The following BABAM2 variants were observed in gnomAD, a reference collection of about 807,000 sequenced individuals.
BABAM2 encodes the protein BRISC and BRCA1 A complex member 2.
Under a neutral mutation model 54.7 loss-of-function variants are expected in BABAM2, and 31 were observed. The observed-to-expected ratio is 0.57, with a 90% CI of 0.43 to 0.77. The LOEUF (loss-of-function observed/expected upper bound fraction) is 0.77, where lower values mean the gene tolerates loss of function less well. Among genes scored for constraint, BABAM2 ranks in the 30% least tolerant of loss-of-function variants. The pLI, the probability that BABAM2 is intolerant of heterozygous loss-of-function variation, is 0.00. For synonymous variants in BABAM2, 167 were observed against 162.9 expected, an observed-to-expected ratio of 1.03 and a Z score of -0.19; for missense variants, 364 against 455.8, an observed-to-expected ratio of 0.80 and a Z score of 1.83.
intron 7 of BABAM2, among the ~76,000 whole-genome samples, chr2:28,180,319 A>ACT (rs1675479039): frequency 6.6e-6 from 1 of 152,172 alleles, no homozygotes; most frequent in Non-Finnish European, 1.5e-5. Context: ...CCTTGTATTT[A>ACT]CAGCCAACTG....
chr2:28,307,375 A>T (rs183996069), intron 11 of BABAM2, among the ~76,000 whole-genome samples: 22 of 148,800 alleles, frequency 1.5e-4, no homozygotes, highest in African/African-American at 5.1e-4. Flanking sequence ...TAAGCCCTAC[A>T]GTCTTTCTAT....
At chr2:28,137,812 C>T (rs1670683416) in intron 7 of BABAM2, among the ~76,000 whole-genome samples, 1 of 152,094 alleles carries the variant, frequency 6.6e-6, no homozygotes, top group Non-Finnish European at 1.5e-5. Flanking sequence ...ACTTGTTTGA[C>T]CCTTAAGTTC....
At chr2:28,141,000 A>G (rs1034689813) in intron 7 of BABAM2, among the ~76,000 whole-genome samples, 2 of 152,074 alleles carry the variant, frequency 1.3e-5, no homozygotes, top group African/African-American at 4.8e-5. Context: ...ATCCTCACAC[A>G]GTAGAGTGGA....
intron 6 of BABAM2, among the ~76,000 whole-genome samples, chr2:28,124,558 A>C (rs546665087): frequency 6.6e-6 from 1 of 152,308 alleles, no homozygotes; most frequent in African/African-American, 2.4e-5. Flanking sequence ...ATTGGTGACA[A>C]AAAAATTTGT....
intron 2 of BABAM2, among the ~76,000 whole-genome samples, chr2:27,905,982 G>A (rs1165313492): frequency 6.6e-6 from 1 of 152,218 alleles, no homozygotes; most frequent in African/African-American, 2.4e-5. Flanking sequence ...GTTTTTAACA[G>A]TCATTAGAGA....
chr2:27,895,316 T>A (rs1429332173), intron 2 of BABAM2, among the ~76,000 whole-genome samples: 1 of 152,192 alleles, frequency 6.6e-6, no homozygotes, highest in Non-Finnish European at 1.5e-5. Context: ...AATCATCATG[T>A]CTCCTTAGTC....
At chr2:28,211,531 G>C (rs1185439306) in intron 7 of BABAM2, among the ~76,000 whole-genome samples, 1 of 151,770 alleles carries the variant, frequency 6.6e-6, no homozygotes, top group African/African-American at 2.4e-5. Flanking sequence ...GGGATTACAG[G>C]CATCTGCCAC....
At chr2:28,099,425 G>C (rs183403866) in intron 6 of BABAM2, among the ~76,000 whole-genome samples, 6 of 152,248 alleles carry the variant, frequency 3.9e-5, no homozygotes, top group African/African-American at 1.4e-4. Context: ...AATGGGTGTT[G>C]CAGTTTTCTA....
chr2:28,306,557 A>G (rs10202456), intron 11 of BABAM2, among the ~76,000 whole-genome samples: 100,253 of 151,906 alleles, frequency 0.66, 33,391 homozygotes, highest in Middle Eastern at 0.81. Flanking sequence ...TGTATTTTTT[A>G]CATGGTATAT....
chr2:28,180,237 C>A (rs754243406), intron 7 of BABAM2, among the ~76,000 whole-genome samples: 5 of 151,974 alleles, frequency 3.3e-5, no homozygotes, highest in Non-Finnish European at 5.9e-5. Flanking sequence ...CTATGGTAAT[C>A]AAAACAGCAT....
intron 6 of BABAM2, among the ~76,000 whole-genome samples, chr2:28,112,134 T>C (rs1376334351): frequency 4.2e-4 from 7 of 16,580 alleles, no homozygotes; most frequent in Non-Finnish European, 6.8e-4. Context: ...TCTTTCTTTC[T>C]TTCTTTCTTT....
intron 6 of BABAM2, among the ~76,000 whole-genome samples, chr2:28,054,419 T>C (rs1678235634): frequency 6.6e-6 from 1 of 152,224 alleles, no homozygotes; most frequent in Admixed American, 6.5e-5. Flanking sequence ...TCCCAAACTG[T>C]TAAAATGACG....
intron 3 of BABAM2, among the ~76,000 whole-genome samples, chr2:27,955,811 G>A (rs1048019817): frequency 2.6e-5 from 4 of 152,042 alleles, no homozygotes; most frequent in African/African-American, 4.8e-5. Flanking sequence ...CAAACTATAC[G>A]AACAGAGATA....
intron 7 of BABAM2, among the ~76,000 whole-genome samples, chr2:28,188,688 C>T (rs1285639327): frequency 6.6e-6 from 1 of 152,136 alleles, no homozygotes; most frequent in East Asian, 1.9e-4. Flanking sequence ...CCTAGATACA[C>T]GGGGGATGGT....
intron 3 of BABAM2, among the ~76,000 whole-genome samples, chr2:27,984,896 T>G (rs1431968169): frequency 1.3e-5 from 2 of 152,118 alleles, no homozygotes; most frequent in Non-Finnish European, 2.9e-5. Context: ...TTCTTACGCC[T>G]TTGCATCTTC....
At chr2:28,225,245 G>A (rs115135779) in intron 7 of BABAM2, among the ~76,000 whole-genome samples, 3,367 of 152,292 alleles carry the variant, frequency 0.022, 103 homozygotes, top group African/African-American at 0.077. Flanking sequence ...GAAAGGGCAA[G>A]GCTGAGTGCT....
At chr2:28,260,299 C>CT (rs965855673) in intron 10 of BABAM2, among the ~76,000 whole-genome samples, 2,071 of 120,382 alleles carry the variant, frequency 0.017, 43 homozygotes, top group Non-Finnish European at 0.021. Flanking sequence ...TATTTCTTTT[C>CT]TTTTTTTTTT....
chr2:28,107,269 C>T (rs1667608507), intron 6 of BABAM2, among the ~76,000 whole-genome samples: 1 of 152,150 alleles, frequency 6.6e-6, no homozygotes, highest in Non-Finnish European at 1.5e-5. Flanking sequence ...ATGCATTCAA[C>T]CCTTGTCCTT....
chr2:28,065,253 G>A (rs533137916), intron 6 of BABAM2, among the ~76,000 whole-genome samples: 10 of 152,102 alleles, frequency 6.6e-5, no homozygotes, highest in Admixed American at 2.6e-4. Context: ...AATTCCACTG[G>A]TGCCTCTTTA....
Sources: allele counts gnomAD v4.1 joint callset (sites outside exome capture counted in the v4.1 genomes callset), GRCh38; gene constraint gnomAD v4.1.1; transcripts MANE v1.5; gene names NCBI Gene and HGNC (gene_info 2026-07-23, HGNC 2026-07-21).